RRM2B: variants seen among roughly 807,000 people sequenced by gnomAD.
The protein encoded by RRM2B is ribonucleotide reductase regulatory TP53 inducible subunit M2B.
In RRM2B, 20 loss-of-function variants were observed where a neutral mutation model predicts 45.9. The ratio of observed to expected loss-of-function variants is 0.44; its 90% CI spans 0.31 to 0.63. The LOEUF (loss-of-function observed/expected upper bound fraction) is 0.63. RRM2B is among the 30% of genes least tolerant of loss of function. The pLI is 0.09. For synonymous variants in RRM2B, 124 were observed against 132.3 expected, an observed-to-expected ratio of 0.94 and a Z score of 0.43; for missense variants, 320 against 414.7, an observed-to-expected ratio of 0.77 and a Z score of 1.98.
At chr8:102,236,853 C>T (rs1811130119) in intron 1 of RRM2B, among the ~76,000 whole-genome samples, 1 of 152,182 alleles carries the variant, frequency 6.6e-6, no homozygotes, top group South Asian at 2.1e-4. Flanking sequence ...CATGCCTGGG[C>T]ATGTCAGGAC....
Position 102,224,035 on chromosome 8 carries a change from G to A in RRM2B, c.550+11C>T, listed in dbSNP as rs1810880836. On this transcript the variant is annotated intron_variant, in intron 5 of 8. Transcript: ENST00000251810. ...GGCAAATCTGATCATACATAAATTA[G>A]AGCCACATACCAAAAGTAGATTTTC... 1 of 1,587,670 alleles carries A rather than the reference G, an allele frequency of 6.3e-7. No homozygotes were observed. The highest frequency in any genetic ancestry group is 8.6e-7 in the Non-Finnish European group (1 of 1,156,302).
chr8:102,224,863 G>C, intron 4 of RRM2B, 22 bp downstream of exon 4: 1 of 1,610,102 alleles, frequency 6.2e-7, no homozygotes. Context: ...GCAATATTTT[G>C]TAAATAAAAT....
chr8:102,236,683 T>C lies in RRM2B; in HGVS notation c.48+2144A>G, dbSNP rs568738369. Among the ~76,000 whole-genome samples the C allele has an allele frequency of 2.0e-5, 3 of 152,208 alleles. No individual in the cohort carries two copies. The East Asian group carries it at 5.8e-4, about 29-fold the overall frequency. ...ATTGAATGGCAGGTAAGATAGGAGATAGAGAAACAACAAAATTATTATAGC... is the reference window on the plus strand; with the variant it reads ...ATTGAATGGCAGGTAAGATAGGAGACAGAGAAACAACAAAATTATTATAGC... On this transcript the variant is annotated intron_variant, in intron 1 of 8. Transcript: ENST00000251810.
chr8:102,220,320 TTAAGA>T (rs1810808729), intron 5 of RRM2B, among the ~76,000 whole-genome samples: 1 of 152,230 alleles, frequency 6.6e-6, no homozygotes, highest in Non-Finnish European at 1.5e-5. Flanking sequence ...TATCTTACTA[TTAAGA>T]TAACTTATTG....
At chr8:102,229,118 T>C (rs1454781106) in intron 2 of RRM2B, among the ~76,000 whole-genome samples, 7 of 152,200 alleles carry the variant, frequency 4.6e-5, no homozygotes, top group African/African-American at 1.7e-4. Flanking sequence ...CTAGGCATGG[T>C]GGCGCATGCC....
At chr8:102,215,666 C>A (rs1432377341) in intron 6 of RRM2B, among the ~76,000 whole-genome samples, 2 of 152,018 alleles carry the variant, frequency 1.3e-5, no homozygotes, top group African/African-American at 4.8e-5. Context: ...ATCTGGAAGG[C>A]TGGGCACGGG....
At chr8:102,235,885 G>T (rs1421988098) in intron 1 of RRM2B, among the ~76,000 whole-genome samples, 1 of 152,148 alleles carries the variant, frequency 6.6e-6, no homozygotes, top group Non-Finnish European at 1.5e-5. Context: ...GTTTCAAGAT[G>T]TCCAGTAAGC....
intron 6 of RRM2B, among the ~76,000 whole-genome samples, chr8:102,215,974 A>C (rs1810724086): frequency 1.3e-5 from 2 of 151,090 alleles, no homozygotes; most frequent in African/African-American, 2.4e-5. Flanking sequence ...AAAGAATAGA[A>C]TAAACGGACA....
chr8:102,224,952 T>C lies in RRM2B; in HGVS notation c.388A>G (p.Ile130Val). 1 of 1,613,172 alleles carries C rather than the reference T, an allele frequency of 6.2e-7. No homozygotes were observed. Among genetic ancestry groups the C allele is most frequent in the Non-Finnish European group, 8.5e-7 (1 of 1,179,104 alleles). Reference sequence around the variant, plus strand: ...TACATCTCTGAGTGAACATTCTCGATGAGAATTTGAAAGCCATAGAAACAG... The same window carrying C: ...TACATCTCTGAGTGAACATTCTCGACGAGAATTTGAAAGCCATAGAAACAG... ...ARCFYGFQIL[I>V]ENVHSEMYSL... Residue 130 changes from isoleucine to valine, a missense_variant, in exon 4 of 9, where the codon ATC becomes GTC. Physicochemically the swap from Ile to Val is conservative, Grantham distance 29. This residue lies in a region of RRM2B where 225 missense variants were observed against 289.4 expected (regional missense o/e 0.78). Transcript: ENST00000251810.
rs564531242 is a variant in RRM2B, at chr8:102,220,893, G to A, written c.551-1946C>T. On this transcript the variant is annotated intron_variant, in intron 5 of 8. Transcript: ENST00000251810. ...GAGAACATATGTGAAATAAAAAGAG[G>A]GTTCCGGAACATTTCTCCTAAAAAC... Among the ~76,000 whole-genome samples, 6 of 152,210 alleles carry A rather than the reference G, an allele frequency of 3.9e-5. No homozygotes were observed. The South Asian group carries it at 1.2e-3, about 32-fold the overall frequency.
intron 8 of RRM2B, 118 bp downstream of exon 8, chr8:102,212,658 T>C: frequency 6.2e-6 from 4 of 647,442 alleles, no homozygotes; most frequent in Non-Finnish European, 1.1e-5. Context: ...CAAGTCTCTG[T>C]CATTGACATT....
At chr8:102,221,884 T>A (rs1468501889) in intron 5 of RRM2B, among the ~76,000 whole-genome samples, 7 of 152,190 alleles carry the variant, frequency 4.6e-5, no homozygotes, top group African/African-American at 1.7e-4. Flanking sequence ...CCCTTCTTTT[T>A]TCTCTAAAGC....
In RRM2B at chr8:102,218,941, C is replaced by T. The variant is rs1810780425; in HGVS notation, c.557G>A (p.Arg186Lys). The T allele has an allele frequency of 2.5e-6, 4 of 1,613,498 alleles. No individual in the cohort carries two copies. The East Asian group carries it at 8.9e-5, about 36-fold the overall frequency. ...IADRKSTFGE[R>K]VVAFAAVEGV... Reference sequence around the variant, plus strand: ...TTCTACAGCAGCAAAGGCCACCACTCTTTCCCCTGGGAGACATAAAATCGT... The same window carrying T: ...TTCTACAGCAGCAAAGGCCACCACTTTTTCCCCTGGGAGACATAAAATCGT... Residue 186 changes from arginine to lysine, a missense_variant, in exon 6 of 9, where the codon AGA becomes AAA. By Grantham distance (26) the Arg-to-Lys change is conservative (BLOSUM62 2). Around this residue, in one of 3 missense-constraint regions of RRM2B, gnomAD observed 225 missense variants for 289.4 expected, o/e 0.78. Transcript: ENST00000251810.
chr8:102,237,030 C>A (rs759973746), intron 1 of RRM2B, among the ~76,000 whole-genome samples: 7 of 151,626 alleles, frequency 4.6e-5, no homozygotes, highest in Non-Finnish European at 1.0e-4. Context: ...CATAGTCATA[C>A]ACTACTTGTA....
intron 1 of RRM2B, among the ~76,000 whole-genome samples, chr8:102,235,999 C>T (rs1811115030): frequency 1.3e-5 from 2 of 152,096 alleles, no homozygotes; most frequent in Non-Finnish European, 2.9e-5. Flanking sequence ...AGCAGCAAGA[C>T]AACTGAGGAT....
chr8:102,224,431 C>T (rs891241450), intron 4 of RRM2B, among the ~76,000 whole-genome samples: 1 of 152,132 alleles, frequency 6.6e-6, no homozygotes, highest in Non-Finnish European at 1.5e-5. Flanking sequence ...GCTTCGGCCT[C>T]CCAAGGTGCT....
Position 102,208,090 on chromosome 8 carries a change from T to C in RRM2B, c.*43A>G, listed in dbSNP as rs1810573806. 1.3e-6 allele frequency: 2 copies of C among 1,555,642 alleles called. No individual in the cohort carries two copies. The highest frequency in any genetic ancestry group is 1.8e-6 in the Non-Finnish European group (2 of 1,130,238). On this transcript the variant is annotated 3_prime_UTR_variant, in exon 9 of 9. Transcript: ENST00000251810. Reference sequence around the variant, plus strand: ...TTAAGCAGAGGAAAATAGACTACTATTTACCAATGACAAGTTTATAGAGTT... The same window carrying C: ...TTAAGCAGAGGAAAATAGACTACTACTTACCAATGACAAGTTTATAGAGTT...
At chr8:102,224,561 C>T (rs1205538651) in intron 4 of RRM2B, among the ~76,000 whole-genome samples, 1 of 152,146 alleles carries the variant, frequency 6.6e-6, no homozygotes, top group Non-Finnish European at 1.5e-5. Flanking sequence ...AGTTTTTATA[C>T]ATTTTTACAT....
At chr8:102,209,689 T>C (rs556906923) in intron 8 of RRM2B, among the ~76,000 whole-genome samples, 2 of 152,320 alleles carry the variant, frequency 1.3e-5, no homozygotes, top group East Asian at 3.9e-4. Flanking sequence ...TGAACGTTCA[T>C]AGTAGCATTA....
Sources: gnomAD v4.1 joint callset for allele counts (sites outside exome capture counted in the v4.1 genomes callset) on GRCh38, gnomAD v4.1.1 for gene constraint, gnomAD v4.1.1 regional missense constraint, MANE v1.5 for transcripts, NCBI Gene and HGNC (gene_info 2026-07-23, HGNC 2026-07-21) for gene names.